The following ERICH6B variants were observed in gnomAD, a reference collection of about 807,000 sequenced individuals.
ERICH6B encodes glutamate rich 6B, also known as glutamate-rich protein 6B.
In ERICH6B, 69 loss-of-function variants were observed where a neutral mutation model predicts 80.0. The ratio of observed to expected loss-of-function variants is 0.86; its 90% CI spans 0.71 to 1.05. The LOEUF is 1.05. Ranked by LOEUF, ERICH6B falls within the 50% of genes least tolerant of loss-of-function variation. The pLI, the probability that ERICH6B is intolerant of heterozygous loss-of-function variation, is 0.00. For synonymous variants in ERICH6B, 283 were observed against 291.9 expected, an observed-to-expected ratio of 0.97 and a Z score of 0.31; for missense variants, 754 against 796.1, an observed-to-expected ratio of 0.95 and a Z score of 0.64.
At chr13:45,552,082 C>T (rs1874245859) in intron 11 of ERICH6B, among the ~76,000 whole-genome samples, 1 of 152,160 alleles carries the variant, frequency 6.6e-6, no homozygotes, top group Non-Finnish European at 1.5e-5. Context: ...TCAGATTTGA[C>T]ACACAAGTTA....
At chr13:45,608,441 G>A (rs1201096399) in intron 1 of ERICH6B, among the ~76,000 whole-genome samples, 2 of 152,126 alleles carry the variant, frequency 1.3e-5, no homozygotes, top group Admixed American at 6.5e-5. Flanking sequence ...TCTTTGTCTT[G>A]TCACTACATG....
chr13:45,568,015 T>C (rs1203068054), intron 9 of ERICH6B, among the ~76,000 whole-genome samples: 1 of 152,228 alleles, frequency 6.6e-6, no homozygotes, highest in African/African-American at 2.4e-5. Flanking sequence ...GCAAGCCTTT[T>C]CTTACCCTGA....
At chr13:45,608,145 C>A (rs1386596798) in intron 1 of ERICH6B, among the ~76,000 whole-genome samples, 1 of 152,106 alleles carries the variant, frequency 6.6e-6, no homozygotes, top group Non-Finnish European at 1.5e-5. Context: ...TTGTGCAATG[C>A]CCAATGGGTA....
Position 45,541,295 on chromosome 13 carries a change from T to C in ERICH6B, c.*167A>G, listed in dbSNP as rs41289563. 31,523 of 629,736 alleles carry C rather than the reference T, an allele frequency of 0.05. 4,849 individuals carry two copies. Among genetic ancestry groups the C allele is most frequent in the African/African-American group, 0.41 (22,103 of 54,412 alleles). The allele number at this position is 629,736 out of a possible 1,614,324, so 39.0% of individuals were successfully genotyped here. A position where few individuals can be genotyped will look rare whatever the true frequency, so the allele number is the denominator to read the frequency against. On this transcript the variant is annotated 3_prime_UTR_variant, in exon 15 of 15. Coordinates refer to ENST00000298738, the MANE Select transcript of ERICH6B (RefSeq NM_182542.3). ...TTCTGTGCTCAGCCACAGACTCTGT[T>C]AGCCCTTCTGCCAAAAATGTTTACT...
At chr13:45,605,397 T>C (rs1949851957) in intron 2 of ERICH6B, among the ~76,000 whole-genome samples, 1 of 152,256 alleles carries the variant, frequency 6.6e-6, no homozygotes, top group Non-Finnish European at 1.5e-5. Context: ...CTCTATGCTT[T>C]AGCTGTTTGT....
intron 10 of ERICH6B, among the ~76,000 whole-genome samples, chr13:45,561,731 T>C (rs1419023635): frequency 1.3e-5 from 2 of 152,148 alleles, no homozygotes; most frequent in Admixed American, 6.5e-5. Context: ...CAGCTCACTC[T>C]GTTTGGTCAC....
At chr13:45,559,218 T>C (rs1287716430) in intron 11 of ERICH6B, among the ~76,000 whole-genome samples, 1 of 152,196 alleles carries the variant, frequency 6.6e-6, no homozygotes, top group African/African-American at 2.4e-5. Context: ...CCTTGAATGA[T>C]CTTCTGTATT....
chr13:45,576,385 A>G (rs1190159506), intron 7 of ERICH6B, among the ~76,000 whole-genome samples: 1 of 152,216 alleles, frequency 6.6e-6, no homozygotes, highest in Non-Finnish European at 1.5e-5. Flanking sequence ...TAAAGGCAAG[A>G]GCATGCTCAG....
At chr13:45,554,519 T>C (rs1162253879) in intron 11 of ERICH6B, among the ~76,000 whole-genome samples, 1 of 152,182 alleles carries the variant, frequency 6.6e-6, no homozygotes, top group East Asian at 1.9e-4. Context: ...CAGAATTTCT[T>C]GAGATGCTTT....
At chr13:45,541,761 G>A (rs936182873) in intron 14 of ERICH6B, 81 bp from the exon 15 acceptor site, 2 of 1,339,518 alleles carry the variant, frequency 1.5e-6, no homozygotes, top group Non-Finnish European at 2.1e-6. Flanking sequence ...ATCTCCTGTG[G>A]CCAGGACCAA....
chr13:45,574,147 C>A (rs184617190), intron 8 of ERICH6B, among the ~76,000 whole-genome samples: 3 of 152,040 alleles, frequency 2.0e-5, no homozygotes, highest in African/African-American at 7.2e-5. Context: ...TCCAGAGACA[C>A]AAGATTTCAT....
At chr13:45,541,766 G>A in intron 14 of ERICH6B, 86 bp from the exon 15 acceptor site, 1 of 1,275,708 alleles carries the variant, frequency 7.8e-7, no homozygotes, top group Non-Finnish European at 1.1e-6. Flanking sequence ...CTGTGGCCAG[G>A]ACCAAGCGTT....
rs1949856656 is a variant in ERICH6B at position 45,605,853 on chromosome 13, T to G, written c.-59+1711A>C. On this transcript the variant is annotated intron_variant, in intron 2 of 14. Transcript: ENST00000298738. ...TGTGCCTAGAACAGAAAAAGGTATTTTCCTTTTCTTTTCCTTTTTCCTTTA... is the reference window on the plus strand; with the variant it reads ...TGTGCCTAGAACAGAAAAAGGTATTGTCCTTTTCTTTTCCTTTTTCCTTTA... Among the ~76,000 whole-genome samples, 3 of 152,270 alleles carry G rather than the reference T, an allele frequency of 2.0e-5. No homozygotes were observed. The South Asian group carries it at 6.2e-4, about 32-fold the overall frequency.
chr13:45,550,289 G>A lies in ERICH6B; in HGVS notation c.1435C>T (p.Leu479Phe), dbSNP rs368932818. 6.4e-7 allele frequency: 1 copy of A among 1,551,478 alleles called. No individual in the cohort carries two copies. The highest frequency in any genetic ancestry group is 8.7e-7 in the Non-Finnish European group (1 of 1,146,922). Residue 479 changes from leucine to phenylalanine, a missense_variant, in exon 12 of 15, where the codon CTC (leucine) becomes TTC (phenylalanine). Transcript: ENST00000298738. ...TGATAGACATTCTTGTTGGGGTAGAGAATTAATTTTCCATCACCTTGATGC... is the reference window on the plus strand; with the variant it reads ...TGATAGACATTCTTGTTGGGGTAGAAAATTAATTTTCCATCACCTTGATGC... ...VVHQGDGKLI[L>F]YPNKNVYQIL...
intron 1 of ERICH6B, among the ~76,000 whole-genome samples, chr13:45,609,935 C>G (rs1227405041): frequency 6.6e-6 from 1 of 152,210 alleles, no homozygotes; most frequent in Admixed American, 6.5e-5. Flanking sequence ...CTTCAAGATG[C>G]TCATAAAAAT....
intron 8 of ERICH6B, among the ~76,000 whole-genome samples, chr13:45,569,946 G>A (rs1875082109): frequency 6.6e-6 from 1 of 152,062 alleles, no homozygotes; most frequent in Non-Finnish European, 1.5e-5. Context: ...GTGACTTTCT[G>A]TTTGCCTAGG....
chr13:45,606,506 T>TAG, intron 2 of ERICH6B, among the ~76,000 whole-genome samples: 1 of 24,750 alleles, frequency 4.0e-5, no homozygotes, highest in Non-Finnish European at 6.1e-5. Context: ...AGTGTATGTG[T>TAG]ATATATATAT....
intron 2 of ERICH6B, among the ~76,000 whole-genome samples, chr13:45,599,976 T>C (rs1029895290): frequency 6.6e-6 from 1 of 152,208 alleles, no homozygotes; most frequent in African/African-American, 2.4e-5. Flanking sequence ...TGTCTTTTCA[T>C]GTAGGCTGCC....
intron 10 of ERICH6B, 141 bp from the exon 11 acceptor site, chr13:45,561,667 C>T (rs545253538): frequency 2.3e-5 from 20 of 857,630 alleles, no homozygotes; most frequent in South Asian, 1.3e-4. Flanking sequence ...GGAAGGCTGT[C>T]GGGTAGTGGG....
Sources: allele counts gnomAD v4.1 joint callset (sites outside exome capture counted in the v4.1 genomes callset), GRCh38; gene constraint gnomAD v4.1.1; transcripts MANE v1.5; gene names NCBI Gene and HGNC (gene_info 2026-07-23, HGNC 2026-07-21).